The following ARL15 variants were observed in gnomAD, a reference collection of about 807,000 sequenced individuals.
The protein encoded by ARL15 is ARF like GTPase 15.
A neutral mutation model predicts 25.2 loss-of-function variants in ARL15; 19 were observed. That is an observed-to-expected ratio of 0.75 (90% CI 0.53 to 1.10). ARL15 has a LOEUF of 1.10. Among genes scored for constraint, ARL15 ranks in the 50% least tolerant of loss-of-function variants. The pLI, the probability that ARL15 is intolerant of heterozygous loss-of-function variation, is 0.00. For synonymous variants in ARL15, 94 were observed against 86.8 expected, an observed-to-expected ratio of 1.08 and a Z score of -0.46; for missense variants, 220 against 246.0, an observed-to-expected ratio of 0.89 and a Z score of 0.71.
intron 4 of ARL15, among the ~76,000 whole-genome samples, chr5:53,955,122 C>A (rs183576106): frequency 1.3e-3 from 201 of 150,424 alleles, no homozygotes; most frequent in African/African-American, 4.5e-3. Flanking sequence ...CCTTAAAGAA[C>A]CTGCCCCTCC....
chr5:54,020,519 A>G (rs907195590), intron 4 of ARL15, among the ~76,000 whole-genome samples: 1 of 152,230 alleles, frequency 6.6e-6, no homozygotes, highest in Admixed American at 6.5e-5. Context: ...AAAGAGGTAG[A>G]GCAGTATCAG....
chr5:54,139,997 A>G (rs1753722485), intron 3 of ARL15, among the ~76,000 whole-genome samples: 1 of 152,206 alleles, frequency 6.6e-6, no homozygotes, highest in Admixed American at 6.5e-5. Context: ...AGTAGAGATA[A>G]TTTCGCCCTA....
At position 53,946,580 on chromosome 5, in the gene ARL15, C is replaced by G. The variant is rs1009927476; in HGVS notation, c.463-59867G>C. Among the ~76,000 whole-genome samples, 44 of 151,320 alleles carry G rather than the reference C, an allele frequency of 2.9e-4. 2 individuals carry two copies. The highest frequency in any genetic ancestry group is 2.9e-3 in the Admixed American group (44 of 15,186). On this transcript the variant is annotated intron_variant, in intron 4 of 4. Coordinates refer to ENST00000504924, the MANE Select transcript of ARL15 (RefSeq NM_019087.3). ...GTCAAAAATGTTACCAGAGACCAAC[C>G]AAGTTAAAGAGAACATCATACCATA...
intron 4 of ARL15, among the ~76,000 whole-genome samples, chr5:53,984,520 C>A (rs769574633): frequency 6.6e-6 from 1 of 152,128 alleles, no homozygotes; most frequent in Non-Finnish European, 1.5e-5. Context: ...GAGGCCCCAA[C>A]GCCTATTTAG....
intron 4 of ARL15, among the ~76,000 whole-genome samples, chr5:53,909,729 T>C (rs528156210): frequency 9.2e-5 from 14 of 151,828 alleles, no homozygotes; most frequent in African/African-American, 3.1e-4. Context: ...AATAATAAAA[T>C]AAAACAAAAC....
At chr5:54,279,399 G>C (rs934516368) in intron 1 of ARL15, among the ~76,000 whole-genome samples, 1 of 152,106 alleles carries the variant, frequency 6.6e-6, no homozygotes, top group Non-Finnish European at 1.5e-5. Flanking sequence ...TTCTGTTGAG[G>C]GATCTCTTCC....
intron 2 of ARL15, among the ~76,000 whole-genome samples, chr5:54,166,445 TC>T (rs1294853623): frequency 3.3e-5 from 5 of 152,044 alleles, no homozygotes; most frequent in Non-Finnish European, 5.9e-5. Context: ...AAGTGATACT[TC>T]CGCCTCAGCT....
intron 1 of ARL15, among the ~76,000 whole-genome samples, chr5:54,255,130 T>C (rs991702078): frequency 6.6e-6 from 1 of 152,222 alleles, no homozygotes; most frequent in Non-Finnish European, 1.5e-5. Flanking sequence ...GGAACTTATG[T>C]TCCCAGGAAA....
chr5:54,200,807 A>G (rs1755700656), intron 1 of ARL15, among the ~76,000 whole-genome samples: 1 of 152,198 alleles, frequency 6.6e-6, no homozygotes, highest in Admixed American at 6.6e-5. Context: ...TCATCTTTCC[A>G]TACTCTATCA....
At chr5:54,131,669 T>G (rs999681436) in intron 3 of ARL15, among the ~76,000 whole-genome samples, 6 of 152,194 alleles carry the variant, frequency 3.9e-5, no homozygotes, top group African/African-American at 1.4e-4. Context: ...GTAAATTTAC[T>G]CCAGCACTTT....
chr5:54,207,762 G>T (rs918039277), intron 1 of ARL15, among the ~76,000 whole-genome samples: 4 of 152,212 alleles, frequency 2.6e-5, no homozygotes, highest in African/African-American at 9.6e-5. Context: ...AGGAATGGCT[G>T]GAATCCAAGA....
chr5:54,287,991 A>C (rs1758223952), intron 1 of ARL15, among the ~76,000 whole-genome samples: 1 of 152,248 alleles, frequency 6.6e-6, no homozygotes, highest in Non-Finnish European at 1.5e-5. Context: ...GAATACAAAA[A>C]GCAAAGCTAT....
In ARL15 at chr5:54,310,544, G is replaced by C. The variant is rs957459922; in HGVS notation, c.-65C>G. The C allele has an allele frequency of 2.0e-6, 3 of 1,524,532 alleles. No homozygotes were observed. The African/African-American group carries it at 4.2e-5, about 21-fold the overall frequency. The allele number at this position is 1,524,532 out of a possible 1,614,324, so 94.4% of individuals were successfully genotyped here. ...AAAAAAAAGCAGCGTCTCTGGCTGC[G>C]AGCGAGCAGCTCCTGAAAAAGCCAG... On this transcript the variant is annotated 5_prime_UTR_variant, in exon 1 of 5. Transcript: ENST00000504924.
chr5:54,036,693 A>C (rs754651661), intron 4 of ARL15, among the ~76,000 whole-genome samples: 12 of 152,218 alleles, frequency 7.9e-5, no homozygotes, highest in Non-Finnish European at 1.6e-4. Flanking sequence ...CTCTATTTTC[A>C]GACTAATAAA....
intron 1 of ARL15, among the ~76,000 whole-genome samples, chr5:54,245,876 CT>C (rs941282252): frequency 1.4e-4 from 22 of 152,306 alleles, no homozygotes; most frequent in African/African-American, 4.8e-4. Flanking sequence ...GCACGAGCCA[CT>C]GTGCCTGGCC....
At chr5:54,279,220 T>G (rs1757994342) in intron 1 of ARL15, among the ~76,000 whole-genome samples, 1 of 151,312 alleles carries the variant, frequency 6.6e-6, no homozygotes, top group African/African-American at 2.4e-5. Flanking sequence ...TTTTGTTTTT[T>G]TTTTTCTGGT....
At chr5:53,911,680 C>T (rs966490623) in intron 4 of ARL15, among the ~76,000 whole-genome samples, 9 of 152,008 alleles carry the variant, frequency 5.9e-5, no homozygotes, top group African/African-American at 1.7e-4. Flanking sequence ...TTTTATCCCT[C>T]GCCACCCACC....
chr5:53,885,049 C>T lies in ARL15; in HGVS notation c.*1512G>A, dbSNP rs1744474904. ...TTACAATCTACTCATAAGATTAAAC[C>T]ACAAAAACTACATTTAAATGGCATT... is the stretch of plus-strand genomic sequence containing the variant. On this transcript the variant is annotated 3_prime_UTR_variant, in exon 5 of 5. Transcript: ENST00000504924. The T allele has an allele frequency of 6.6e-6, 1 of 152,046 alleles. No homozygotes were observed. Among genetic ancestry groups the T allele is most frequent in the African/African-American group, 2.4e-5 (1 of 41,284 alleles). 9.4% of individuals were successfully genotyped at this position (152,046 alleles called of 1,614,324 possible). A position where few individuals can be genotyped will look rare whatever the true frequency, so the allele number is the denominator to read the frequency against.
chr5:54,237,667 A>G (rs553443575), intron 1 of ARL15, among the ~76,000 whole-genome samples: 1 of 152,356 alleles, frequency 6.6e-6, no homozygotes, highest in East Asian at 1.9e-4. Context: ...GGCACAGAGA[A>G]TGCAAACTGT....
Sources: gnomAD v4.1 joint callset for allele counts (sites outside exome capture counted in the v4.1 genomes callset) on GRCh38, gnomAD v4.1.1 for gene constraint, MANE v1.5 for transcripts, NCBI Gene and HGNC (gene_info 2026-07-23, HGNC 2026-07-21) for gene names.